The following STK3 variants were observed in gnomAD, a reference collection of about 807,000 sequenced individuals.
The protein encoded by STK3 is serine/threonine-protein kinase 3.
Under a neutral mutation model 58.0 loss-of-function variants are expected in STK3, and 41 were observed. The observed-to-expected ratio is 0.71, with a 90% CI of 0.55 to 0.92. The LOEUF (loss-of-function observed/expected upper bound fraction) is 0.92, where lower values mean the gene tolerates loss of function less well. Ranked by LOEUF, STK3 falls within the 40% of genes least tolerant of loss-of-function variation. The pLI is 0.00. For synonymous variants in STK3, 170 were observed against 191.0 expected (o/e 0.89, Z 0.91); for missense variants, 479 against 602.7 (o/e 0.79, Z 2.15).
rs142410790 is a variant in STK3 at position 98,623,613 on chromosome 8, G to A, written c.685-27444C>T. ...AGCCTGGGCAACGTAGCGACAGCCC[G>A]TCTCTACAAAATATACAACAATTAG... is the stretch of plus-strand genomic sequence containing the variant. On this transcript the variant is annotated intron_variant, in intron 6 of 10. Transcript: ENST00000419617. Among the ~76,000 whole-genome samples, 541 of 152,230 alleles carry A rather than the reference G, an allele frequency of 3.6e-3. 2 individuals are homozygous for A. Among genetic ancestry groups the A allele is most frequent in the Non-Finnish European group, 5.9e-3 (400 of 68,014 alleles).
intron 8 of STK3, among the ~76,000 whole-genome samples, chr8:98,569,371 T>C (rs1372889896): frequency 2.6e-5 from 4 of 151,848 alleles, no homozygotes; most frequent in Non-Finnish European, 4.4e-5. Context: ...AAAGAGGACA[T>C]TCCACAGGTT....
intron 10 of STK3, among the ~76,000 whole-genome samples, chr8:98,501,432 G>T (rs1823586912): frequency 6.6e-6 from 1 of 152,192 alleles, no homozygotes; most frequent in South Asian, 2.1e-4. Flanking sequence ...GTCTATTTTG[G>T]TTTTTGTTGC....
chr8:98,705,330 C>G (rs1265274420), intron 6 of STK3, among the ~76,000 whole-genome samples: 3 of 151,850 alleles, frequency 2.0e-5, no homozygotes, highest in Non-Finnish European at 4.4e-5. Flanking sequence ...GGAGGATCAC[C>G]TGAGCCCAGG....
At chr8:98,758,918 G>A (rs770983418) in intron 3 of STK3, among the ~76,000 whole-genome samples, 20 of 152,258 alleles carry the variant, frequency 1.3e-4, no homozygotes, top group African/African-American at 2.2e-4. Context: ...GCTTCCTCAC[G>A]TCTCTCAACC....
chr8:98,485,563 C>G (rs897419711), intron 10 of STK3, among the ~76,000 whole-genome samples: 1 of 152,124 alleles, frequency 6.6e-6, no homozygotes, highest in Non-Finnish European at 1.5e-5. Flanking sequence ...GGCTGGAGAC[C>G]GTTTAACAGA....
intron 2 of STK3, among the ~76,000 whole-genome samples, chr8:98,378,101 G>A (rs542004916): frequency 2.6e-5 from 4 of 152,284 alleles, no homozygotes; most frequent in East Asian, 3.9e-4. Context: ...GAGAGAACAC[G>A]GGTTTAAGAA....
intron 1 of STK3, among the ~76,000 whole-genome samples, chr8:98,929,647 CATAAATAA>C (rs941992781): frequency 1.3e-5 from 2 of 152,012 alleles, no homozygotes; most frequent in Non-Finnish European, 2.9e-5. Context: ...CAGACCCTGT[CATAAATAA>C]ATAAATAAAT....
chr8:98,540,200 G>A (rs542033891), intron 9 of STK3, among the ~76,000 whole-genome samples: 1 of 152,206 alleles, frequency 6.6e-6, no homozygotes, highest in Non-Finnish European at 1.5e-5. Flanking sequence ...TCTGGCTCCT[G>A]AGAGCAGAGG....
rs563745106 is a variant in STK3, at chr8:98,460,555, A to G, written c.1318-4555T>C. On this transcript the variant is annotated intron_variant, in intron 10 of 10. Transcript: ENST00000419617. ...TTTGGGAGGAGCCAGGGGCAGAATG[A>G]TATGGTTTGGCTGTGTCCCCACTCA... Among the ~76,000 whole-genome samples the G allele has an allele frequency of 3.3e-5, 5 of 152,242 alleles. No individual in the cohort carries two copies. In the East Asian group the frequency reaches 7.7e-4, roughly 23 times the overall value.
At chr8:98,630,186 T>C (rs1336127588) in intron 6 of STK3, among the ~76,000 whole-genome samples, 1 of 152,182 alleles carries the variant, frequency 6.6e-6, no homozygotes, top group Non-Finnish European at 1.5e-5. Context: ...TGCCATGCCC[T>C]CTCCACTTAG....
chr8:98,937,546 C>A (rs1020976308), intron 1 of STK3, among the ~76,000 whole-genome samples: 1 of 152,222 alleles, frequency 6.6e-6, no homozygotes, highest in South Asian at 2.1e-4. Context: ...GGGATCCAAC[C>A]TTAAAATTCC....
chr8:98,570,044 A>T (rs1812836748), intron 8 of STK3, among the ~76,000 whole-genome samples: 1 of 148,126 alleles, frequency 6.8e-6, no homozygotes, highest in Non-Finnish European at 1.5e-5. Context: ...AATAAAAATA[A>T]AAATATTAAA....
intron 1 of STK3, among the ~76,000 whole-genome samples, chr8:98,895,672 G>A (rs970758333): frequency 1.3e-5 from 2 of 152,160 alleles, no homozygotes; most frequent in Non-Finnish European, 2.9e-5. Context: ...AAGATGAACC[G>A]AATGCCAAGG....
intron 4 of STK3, among the ~76,000 whole-genome samples, chr8:98,708,614 A>G (rs1212947533): frequency 6.6e-6 from 1 of 152,186 alleles, no homozygotes; most frequent in Non-Finnish European, 1.5e-5. Flanking sequence ...CAGTAGAGCC[A>G]CTGCTATCTG....
intron 3 of STK3, among the ~76,000 whole-genome samples, chr8:98,757,550 G>T (rs1322141603): frequency 6.8e-6 from 1 of 146,508 alleles, no homozygotes; most frequent in Admixed American, 6.8e-5. Context: ...AGCCGAGGTC[G>T]CGCCATTGCA....
intron 1 of STK3, among the ~76,000 whole-genome samples, chr8:98,821,217 A>T (rs1587703816): frequency 1.3e-5 from 2 of 152,232 alleles, no homozygotes; most frequent in South Asian, 4.1e-4. Context: ...AGATTCTCAT[A>T]GGAGTGCGAA....
intron 2 of STK3, among the ~76,000 whole-genome samples, chr8:98,436,082 T>C (rs1818474799): frequency 6.6e-6 from 1 of 152,140 alleles, no homozygotes; most frequent in South Asian, 2.1e-4. Context: ...CAGTGGCCTG[T>C]CCTCAAGCTC....
chr8:98,572,343 T>C (rs1337986836), intron 8 of STK3, among the ~76,000 whole-genome samples: 2 of 152,160 alleles, frequency 1.3e-5, no homozygotes, highest in African/African-American at 2.4e-5. Context: ...TTTGTGTTCA[T>C]TTAGTCAAAA....
rs556463502 is a variant in STK3, at chr8:98,412,302, G to A, written n.484-10789C>T. Among the ~76,000 whole-genome samples the A allele has an allele frequency of 4.6e-5, 7 of 152,294 alleles. No homozygotes were observed. In the East Asian group the frequency reaches 5.8e-4, roughly 13 times the overall value. ...GCCACTAGAACAGACATCTGGCTGCGTTAGAGTTGCAAACAGTCTCCATTG... is the reference window on the plus strand; with the variant it reads ...GCCACTAGAACAGACATCTGGCTGCATTAGAGTTGCAAACAGTCTCCATTG... On this transcript the variant is annotated intron_variant and non_coding_transcript_variant, in intron 3 of 3. Coordinates refer to the STK3 transcript ENST00000517832.
Sources: gnomAD v4.1 joint callset for allele counts (sites outside exome capture counted in the v4.1 genomes callset) on GRCh38, gnomAD v4.1.1 for gene constraint, MANE v1.5 for transcripts, NCBI Gene and HGNC (gene_info 2026-07-23, HGNC 2026-07-21) for gene names.